Variants in SUPT16H observed in about 807,000 individuals in gnomAD.
SUPT16H encodes the protein FACT complex subunit SPT16.
In SUPT16H, 24 loss-of-function variants were observed where a neutral mutation model predicts 136.2. The ratio of observed to expected loss-of-function variants is 0.18; its 90% CI spans 0.13 to 0.25. The LOEUF is 0.25. Ranked by LOEUF, SUPT16H falls within the 10% of genes least tolerant of loss-of-function variation. SUPT16H has a pLI of 1.00. For missense variants in SUPT16H, 623 were observed against 1,270.2 expected (o/e 0.49, Z 7.74); for synonymous variants, 415 against 428.2 (o/e 0.97, Z 0.38).
intron 1 of SUPT16H, among the ~76,000 whole-genome samples, chr14:21,381,611 T>A (rs1475732277): frequency 7.8e-4 from 5 of 6,388 alleles, no homozygotes; most frequent in Non-Finnish European, 2.8e-3. Flanking sequence ...GGGATTTATT[T>A]TTTTTTTTTT....
At chr14:21,366,020 G>A (rs950049051) in intron 8 of SUPT16H, among the ~76,000 whole-genome samples, 19 of 152,136 alleles carry the variant, frequency 1.2e-4, no homozygotes, top group African/African-American at 3.9e-4. Flanking sequence ...GAGGATTGCT[G>A]GAGCCCAGAA....
At chr14:21,371,051 A>AT (rs570922907) in intron 3 of SUPT16H, among the ~76,000 whole-genome samples, 2 of 151,564 alleles carry the variant, frequency 1.3e-5, no homozygotes, top group Non-Finnish European at 2.9e-5. Flanking sequence ...TAATTTTTGT[A>AT]TTTTTTGTAG....
At position 21,360,491 on chromosome 14, in the gene SUPT16H, A is replaced by G. The variant is rs1886528646; in HGVS notation, c.2099T>C (p.Leu700Ser). 6.2e-7 allele frequency: 1 copy of G among 1,613,960 alleles called. No homozygotes were observed. Among genetic ancestry groups the G allele is most frequent in the Non-Finnish European group, 8.5e-7 (1 of 1,179,992 alleles). The stretch of plus-strand genomic sequence containing the variant: ...CAAAGCATGCTTAATATTATTGTAC[A>G]AAATATCCACTTTGTCTCCTCGAAC... ...TSVRGDKVDI[L>S]YNNIKHALFQ... is the part of the protein sequence containing the mutation. The change falls in exon 18 of 26, where the codon TTG (leucine) becomes TCG (serine). Residue 700 changes from leucine to serine, a missense_variant. Around this residue, in one of 7 missense-constraint regions of SUPT16H, gnomAD observed 21 missense variants for 140.3 expected, o/e 0.15. Coordinates refer to ENST00000216297, the MANE Select transcript of SUPT16H (RefSeq NM_007192.4).
chr14:21,370,530 A>T, intron 3 of SUPT16H, 42 bp from the exon 4 acceptor site: 1 of 1,599,466 alleles, frequency 6.3e-7, no homozygotes, highest in Non-Finnish European at 8.5e-7. Flanking sequence ...ATGTTTTACC[A>T]GTTCATTAGA....
chr14:21,371,619 TAACA>T (rs1393608072), intron 3 of SUPT16H, among the ~76,000 whole-genome samples: 2 of 152,184 alleles, frequency 1.3e-5, no homozygotes, highest in East Asian at 1.9e-4. Context: ...GAAAACAAAC[TAACA>T]GTGTCCTCAA....
At chr14:21,380,280 A>G (rs1449166175) in intron 1 of SUPT16H, among the ~76,000 whole-genome samples, 1 of 142,038 alleles carries the variant, frequency 7.0e-6, no homozygotes, top group Non-Finnish European at 1.6e-5. Context: ...CCTGACAGAT[A>G]CTGATGGAAG....
At chr14:21,370,574 TA>T in intron 3 of SUPT16H, 86 bp from the exon 4 acceptor site, 1 of 1,425,942 alleles carries the variant, frequency 7.0e-7, no homozygotes, top group Non-Finnish European at 9.6e-7. Context: ...AATAATATTC[TA>T]AACTACGGAA....
intron 19 of SUPT16H, 40 bp from the exon 20 acceptor site, chr14:21,358,467 G>C: frequency 7.1e-7 from 1 of 1,416,198 alleles, no homozygotes; most frequent in Non-Finnish European, 9.9e-7. Flanking sequence ...CATCACATTT[G>C]TTAACAGTAC....
rs201812747 is a variant in SUPT16H, at chr14:21,354,555, A to G, written c.2661-15T>C. 2 of 1,612,264 alleles carry G rather than the reference A, an allele frequency of 1.2e-6. No homozygotes were observed. Among genetic ancestry groups the G allele is most frequent in the African/African-American group, 1.3e-5 (1 of 74,912 alleles). On this transcript the variant is annotated splice_polypyrimidine_tract_variant and intron_variant, in intron 22 of 25. Transcript: ENST00000216297. Reference sequence around the variant, plus strand: ...GGTCGCAGGAACTAAGAGAAATGACATGACAAAGTCAAATCAATCTTCTGT... The same window carrying G: ...GGTCGCAGGAACTAAGAGAAATGACGTGACAAAGTCAAATCAATCTTCTGT...
rs1460172721 is a variant in SUPT16H at position 21,362,186 on chromosome 14, TGG to T, written c.1793+9_1793+10del. On this transcript the variant is annotated intron_variant, in intron 15 of 25. Transcript: ENST00000216297. Reference sequence around the variant, plus strand: ...AGATGAATCTGGGTATGACTTTTCTTGGGGACTCACATTTCCTTGACAAAAGT... The same window carrying T: ...AGATGAATCTGGGTATGACTTTTCTTGGACTCACATTTCCTTGACAAAAGT... The T allele has an allele frequency of 1.2e-6, 2 of 1,610,396 alleles. No homozygotes were observed. Among genetic ancestry groups the T allele is most frequent in the Non-Finnish European group, 1.7e-6 (2 of 1,179,268 alleles).
intron 1 of SUPT16H, chr14:21,383,291 C>T (rs1887076960): frequency 3.2e-6 from 1 of 308,132 alleles, no homozygotes; most frequent in Non-Finnish European, 6.0e-6. Flanking sequence ...TGCAGGCTTT[C>T]AGCGTTAGGT....
chr14:21,376,256 G>C (rs1725513275), intron 1 of SUPT16H, among the ~76,000 whole-genome samples: 1 of 152,064 alleles, frequency 6.6e-6, no homozygotes, highest in Admixed American at 6.5e-5. Flanking sequence ...GTGATGTTTT[G>C]ATTACTACAG....
At chr14:21,383,057 T>C (rs1887066620) in intron 1 of SUPT16H, 1 of 152,354 alleles carries the variant, frequency 6.6e-6, no homozygotes, top group Non-Finnish European at 1.5e-5. Context: ...GCTAGCCAAC[T>C]CAGACTGCAT....
chr14:21,359,041 G>A (rs1014957385), intron 19 of SUPT16H, among the ~76,000 whole-genome samples: 14 of 151,860 alleles, frequency 9.2e-5, no homozygotes, highest in African/African-American at 2.4e-4. Flanking sequence ...TCCTGACCTC[G>A]TGATCTGCCT....
At chr14:21,359,739 CATAA>C (rs778144259) in intron 18 of SUPT16H, 130 bp from the exon 19 acceptor site, 9 of 1,040,314 alleles carry the variant, frequency 8.7e-6, no homozygotes, top group East Asian at 2.6e-5. Context: ...CTGGTGTCAT[CATAA>C]ATAATGATGC....
intron 22 of SUPT16H, chr14:21,354,916 T>C (rs780853468): frequency 1.5e-4 from 26 of 172,506 alleles, no homozygotes; most frequent in Non-Finnish European, 2.7e-4. Context: ...CTTTGCACTA[T>C]GCCACCAGAT....
Position 21,352,682 on chromosome 14 carries a change from C to G in SUPT16H, c.3135G>C (p.Lys1045Asn). 6.2e-7 allele frequency: 1 copy of G among 1,614,090 alleles called. No homozygotes were observed. The highest frequency in any genetic ancestry group is 8.5e-7 in the Non-Finnish European group (1 of 1,180,006). The change falls in exon 26 of 26, where the codon AAG becomes AAC. Residue 1045 changes from lysine to asparagine, a missense_variant. Transcript: ENST00000216297. ...SRHSSAPPKK[K>N]RK ...GGCCAAAGTTCAGAAGTTACTTCCTCTTTTTCTTGGGGGGTGCAGAGCTGT... is the reference window on the plus strand; with the variant it reads ...GGCCAAAGTTCAGAAGTTACTTCCTGTTTTTCTTGGGGGGTGCAGAGCTGT...
intron 8 of SUPT16H, among the ~76,000 whole-genome samples, chr14:21,365,947 A>G (rs1315483329): frequency 6.6e-6 from 1 of 152,072 alleles, no homozygotes; most frequent in Non-Finnish European, 1.5e-5. Context: ...TACAAAAAAT[A>G]AAAAAATGAG....
intron 10 of SUPT16H, among the ~76,000 whole-genome samples, chr14:21,364,183 T>G (rs1209951035): frequency 6.6e-6 from 1 of 151,656 alleles, no homozygotes; most frequent in African/African-American, 2.4e-5. Context: ...GCTTAGCTTA[T>G]GATAAAAACA....
Sources: gnomAD v4.1 joint callset for allele counts (sites outside exome capture counted in the v4.1 genomes callset) on GRCh38, gnomAD v4.1.1 for gene constraint, gnomAD v4.1.1 regional missense constraint, MANE v1.5 for transcripts, NCBI Gene and HGNC (gene_info 2026-07-23, HGNC 2026-07-21) for gene names.